RPS6KC1: variants seen among roughly 807,000 people sequenced by gnomAD.
The protein encoded by RPS6KC1 is inactive ribosomal protein S6 kinase delta-1.
In RPS6KC1, 54 loss-of-function variants were observed where a neutral mutation model predicts 103.8. That is an observed-to-expected ratio of 0.52 (90% CI 0.42 to 0.65). RPS6KC1 has a LOEUF of 0.65. Ranked by LOEUF, RPS6KC1 falls within the 30% of genes least tolerant of loss-of-function variation. The probability of loss-of-function intolerance (pLI) is 0.00; values close to 1 mark genes in which losing one functional copy is unlikely to be tolerated. For missense variants in RPS6KC1, 1,151 were observed against 1,253.8 expected, an observed-to-expected ratio of 0.92 and a Z score of 1.24; for synonymous variants, 439 against 438.7, an observed-to-expected ratio of 1.00 and a Z score of -0.01.
chr1:213,779,673 G>A, the RPS6KC1 span, among the ~76,000 whole-genome samples: 14 of 152,284 alleles, frequency 9.2e-5, no homozygotes, highest in South Asian at 1.2e-3. Flanking sequence ...ATCTGAATGC[G>A]GATCCAGTGT....
At chr1:213,086,898 A>T (rs922246087) in intron 3 of RPS6KC1, among the ~76,000 whole-genome samples, 2 of 152,296 alleles carry the variant, frequency 1.3e-5, no homozygotes, top group East Asian at 1.9e-4. Context: ...TTAGTGAAAC[A>T]AAATTTTATA....
At chr1:213,188,592 A>G (rs1340449774) in intron 8 of RPS6KC1, among the ~76,000 whole-genome samples, 1 of 152,202 alleles carries the variant, frequency 6.6e-6, no homozygotes, top group African/African-American at 2.4e-5. Context: ...CTATGTATGA[A>G]CAATGCACAC....
chr1:213,132,851 G>T (rs780615087), intron 6 of RPS6KC1, among the ~76,000 whole-genome samples: 4 of 152,152 alleles, frequency 2.6e-5, no homozygotes, highest in African/African-American at 4.8e-5. Context: ...AAAGATTCTT[G>T]TGGGTTGGCA....
the RPS6KC1 span, among the ~76,000 whole-genome samples, chr1:213,433,774 T>G: frequency 5.1e-4 from 77 of 152,314 alleles, no homozygotes; most frequent in African/African-American, 1.7e-3. Flanking sequence ...TATTCAAATC[T>G]TTTGCCCATT....
the RPS6KC1 span, among the ~76,000 whole-genome samples, chr1:213,565,766 A>G: frequency 1.3e-5 from 2 of 152,232 alleles, no homozygotes; most frequent in Non-Finnish European, 2.9e-5. Context: ...ACAAATATCG[A>G]ACTTCATTAA....
At chr1:213,171,179 T>C (rs2091447722) in intron 7 of RPS6KC1, among the ~76,000 whole-genome samples, 1 of 152,128 alleles carries the variant, frequency 6.6e-6, no homozygotes, top group Admixed American at 6.5e-5. Context: ...TTCATGTTAA[T>C]ATCCTTTTTG....
the RPS6KC1 span, among the ~76,000 whole-genome samples, chr1:213,294,942 A>C: frequency 6.6e-6 from 1 of 152,156 alleles, no homozygotes; most frequent in African/African-American, 2.4e-5. Context: ...GGGAAAAGAT[A>C]GTTTTGAAAA....
chr1:213,338,115 G>A, the RPS6KC1 span, among the ~76,000 whole-genome samples: 2 of 152,138 alleles, frequency 1.3e-5, no homozygotes, highest in African/African-American at 4.8e-5. Flanking sequence ...CTTGGGAAAT[G>A]TTTCCTTAAT....
chr1:213,836,269 A>G, the RPS6KC1 span, among the ~76,000 whole-genome samples: 522 of 152,054 alleles, frequency 3.4e-3, 3 homozygotes, highest in African/African-American at 0.012. Flanking sequence ...AAAGATGTCA[A>G]TTCTCCCCAA....
the RPS6KC1 span, among the ~76,000 whole-genome samples, chr1:213,515,908 A>G: frequency 6.6e-6 from 1 of 151,702 alleles, no homozygotes; most frequent in African/African-American, 2.4e-5. Context: ...TATTTCATTG[A>G]GCAGTGGTTT....
At chr1:213,338,904 G>T in the RPS6KC1 span, among the ~76,000 whole-genome samples, 9 of 151,794 alleles carry the variant, frequency 5.9e-5, no homozygotes, top group African/African-American at 1.9e-4. Flanking sequence ...CTGGCTCCTT[G>T]TACCTTTTGA....
intron 6 of RPS6KC1, among the ~76,000 whole-genome samples, chr1:213,153,297 GCACAGA>G (rs1379141531): frequency 6.6e-6 from 1 of 151,460 alleles, no homozygotes; most frequent in Non-Finnish European, 1.5e-5. Context: ...GCAGAGGCAG[GCACAGA>G]GGCAGGGGCA....
At chr1:213,462,674 C>G in the RPS6KC1 span, among the ~76,000 whole-genome samples, 2 of 152,146 alleles carry the variant, frequency 1.3e-5, no homozygotes, top group Non-Finnish European at 2.9e-5. Context: ...CTGCATTTTT[C>G]TCACTCATAA....
At chr1:213,807,830 C>G in the RPS6KC1 span, among the ~76,000 whole-genome samples, 1 of 152,186 alleles carries the variant, frequency 6.6e-6, no homozygotes. Context: ...GAACTGCGAT[C>G]CTTTGGAGGA....
chr1:213,726,471 T>C, the RPS6KC1 span, among the ~76,000 whole-genome samples: 1 of 152,242 alleles, frequency 6.6e-6, no homozygotes, highest in Admixed American at 6.5e-5. Context: ...TCCTTAAGAA[T>C]GGAATTTCTC....
chr1:213,483,093 TGTTAAA>T, the RPS6KC1 span, among the ~76,000 whole-genome samples: 1 of 152,184 alleles, frequency 6.6e-6, no homozygotes, highest in Non-Finnish European at 1.5e-5. Flanking sequence ...CCTTTTTAAT[TGTTAAA>T]GTTACAATCA....
At chr1:213,730,075 C>T in the RPS6KC1 span, among the ~76,000 whole-genome samples, 1 of 152,182 alleles carries the variant, frequency 6.6e-6, no homozygotes, top group Non-Finnish European at 1.5e-5. Flanking sequence ...ACCTCCCACT[C>T]CATCCATGTC....
chr1:213,571,078 C>T, the RPS6KC1 span, among the ~76,000 whole-genome samples: 907 of 152,272 alleles, frequency 6.0e-3, 9 homozygotes, highest in African/African-American at 0.017. Flanking sequence ...ACCGAATAGA[C>T]GAATGGCCTC....
At chr1:213,546,751 A>G in the RPS6KC1 span, among the ~76,000 whole-genome samples, 1 of 152,120 alleles carries the variant, frequency 6.6e-6, no homozygotes, top group Middle Eastern at 3.2e-3. Context: ...GTCCTCCCCC[A>G]CCAACCCTCA....
Sources: gnomAD v4.1 joint callset for allele counts (sites outside exome capture counted in the v4.1 genomes callset) on GRCh38, gnomAD v4.1.1 for gene constraint, MANE v1.5 for transcripts, NCBI Gene and HGNC (gene_info 2026-07-23, HGNC 2026-07-21) for gene names.